Variants in EPHB2 observed in about 807,000 individuals in gnomAD.
EPHB2 encodes EPH receptor B2.
EPHB2 carries 18 observed loss-of-function variants against 96.4 expected under a neutral mutation model. The ratio of observed to expected loss-of-function variants is 0.19; its 90% CI spans 0.13 to 0.28. The LOEUF (loss-of-function observed/expected upper bound fraction) is 0.28, where lower values mean the gene tolerates loss of function less well. EPHB2 is among the 10% of genes least tolerant of loss of function. EPHB2 has a pLI of 1.00. For synonymous variants in EPHB2, 506 were observed against 534.1 expected, an observed-to-expected ratio of 0.95 and a Z score of 0.72; for missense variants, 989 against 1,355.4, an observed-to-expected ratio of 0.73 and a Z score of 4.25.
intron 1 of EPHB2, among the ~76,000 whole-genome samples, chr1:22,776,948 G>T (rs150822225): frequency 1.7e-4 from 26 of 152,282 alleles, no homozygotes; most frequent in African/African-American, 6.3e-4. Flanking sequence ...CACCTCTCAG[G>T]GGACCACAGA....
At position 22,919,900 on chromosome 1, in the gene EPHB2, T is replaced by G. The variant is rs1640355721; in HGVS notation, c.*6330T>G. 6.6e-6 allele frequency: 1 copy of G among 152,158 alleles called. No homozygotes were observed. Among genetic ancestry groups the G allele is most frequent in the Non-Finnish European group, 1.5e-5 (1 of 68,024 alleles). The allele number at this position is 152,158 out of a possible 1,614,324, so 9.4% of individuals were successfully genotyped here. ...ATTCCATCACACTATGATTCTATGC[T>G]GCTAATTCTTGAAATTTCGAGTCTC... On this transcript the variant is annotated 3_prime_UTR_variant, in exon 16 of 16. Transcript: ENST00000374630.
intron 9 of EPHB2, among the ~76,000 whole-genome samples, chr1:22,899,004 A>T (rs1344334359): frequency 2.0e-5 from 3 of 151,966 alleles, no homozygotes; most frequent in Non-Finnish European, 4.4e-5. Context: ...GACCAGCCTG[A>T]CCAACACAGA....
intron 3 of EPHB2, among the ~76,000 whole-genome samples, chr1:22,838,306 A>G (rs904655308): frequency 6.6e-6 from 1 of 152,244 alleles, no homozygotes; most frequent in Non-Finnish European, 1.5e-5. Flanking sequence ...GATTACAGTC[A>G]TTATTAGATT....
intron 3 of EPHB2, among the ~76,000 whole-genome samples, chr1:22,815,960 T>C (rs894373005): frequency 6.6e-6 from 1 of 152,174 alleles, no homozygotes; most frequent in African/African-American, 2.4e-5. Flanking sequence ...GTGTGGGTGT[T>C]GGCAGCAGCA....
At chr1:22,863,673 C>T (rs375582140) in intron 4 of EPHB2, among the ~76,000 whole-genome samples, 9 of 152,294 alleles carry the variant, frequency 5.9e-5, no homozygotes, top group East Asian at 3.9e-4. Flanking sequence ...TGAAACTGTA[C>T]GGATTTATTC....
intron 5 of EPHB2, among the ~76,000 whole-genome samples, chr1:22,870,688 G>A (rs1410409941): frequency 2.0e-5 from 3 of 152,130 alleles, no homozygotes; most frequent in Admixed American, 1.3e-4. Context: ...GGGCTGCCCC[G>A]GACACAGCCT....
intron 3 of EPHB2, among the ~76,000 whole-genome samples, chr1:22,857,281 G>C (rs1645714686): frequency 6.6e-6 from 1 of 152,130 alleles, no homozygotes; most frequent in Admixed American, 6.5e-5. Context: ...TCAACTGCCA[G>C]TTTAATAGCA....
At chr1:22,783,596 A>G (rs1415755848) in intron 2 of EPHB2, among the ~76,000 whole-genome samples, 21 of 152,228 alleles carry the variant, frequency 1.4e-4, no homozygotes, top group Non-Finnish European at 1.5e-5. Flanking sequence ...AGAAGTGTGC[A>G]AAAGACTCAG....
chr1:22,765,364 T>C (rs544229048), intron 1 of EPHB2, among the ~76,000 whole-genome samples: 1 of 152,060 alleles, frequency 6.6e-6, no homozygotes, highest in South Asian at 2.1e-4. Flanking sequence ...CTGGCCAACA[T>C]GGCGAAACCC....
intron 1 of EPHB2, among the ~76,000 whole-genome samples, chr1:22,738,505 C>T (rs1006915247): frequency 3.9e-5 from 6 of 152,136 alleles, no homozygotes; most frequent in Non-Finnish European, 8.8e-5. Flanking sequence ...ATGAGAAAAC[C>T]AAGGTTCACA....
At chr1:22,896,002 AC>A (rs1202356995) in intron 8 of EPHB2, among the ~76,000 whole-genome samples, 1 of 152,168 alleles carries the variant, frequency 6.6e-6, no homozygotes, top group African/African-American at 2.4e-5. Context: ...AGTGGCTAGG[AC>A]GGTACAAGCA....
intron 3 of EPHB2, among the ~76,000 whole-genome samples, chr1:22,794,178 C>T (rs1644735598): frequency 1.3e-5 from 2 of 152,098 alleles, no homozygotes; most frequent in African/African-American, 2.4e-5. Flanking sequence ...GGCAGATAAC[C>T]GGCTAAGGGG....
At chr1:22,861,723 A>G (rs1047876576) in intron 3 of EPHB2, among the ~76,000 whole-genome samples, 5 of 152,088 alleles carry the variant, frequency 3.3e-5, no homozygotes, top group Non-Finnish European at 7.4e-5. Context: ...GAGCTGGTTG[A>G]GGGTTGAGGG....
intron 2 of EPHB2, among the ~76,000 whole-genome samples, chr1:22,782,189 C>T (rs1435074380): frequency 6.6e-6 from 1 of 152,150 alleles, no homozygotes; most frequent in Non-Finnish European, 1.5e-5. Context: ...TCTCTCTGAG[C>T]TTCAGTTTCT....
intron 3 of EPHB2, among the ~76,000 whole-genome samples, chr1:22,832,297 T>A (rs1406108616): frequency 6.6e-6 from 1 of 152,160 alleles, no homozygotes; most frequent in East Asian, 1.9e-4. Flanking sequence ...GGCAAACCAA[T>A]GCCACCTCTC....
chr1:22,767,692 C>T lies in EPHB2; in HGVS notation c.62-13729C>T, dbSNP rs78445686. Among the ~76,000 whole-genome samples, 22 of 152,236 alleles carry T rather than the reference C, an allele frequency of 1.4e-4. No individual in the cohort carries two copies. In the South Asian group the frequency reaches 1.9e-3, roughly 13 times the overall value. Reference sequence around the variant, plus strand: ...CCATGTCCTCCTTCCCACCACTGGCCCAGGGTGCCCCTCTTCCCCCTGTGT... The same window carrying T: ...CCATGTCCTCCTTCCCACCACTGGCTCAGGGTGCCCCTCTTCCCCCTGTGT... On this transcript the variant is annotated intron_variant, in intron 1 of 15. Coordinates refer to ENST00000374630, the MANE Select transcript of EPHB2 (RefSeq NM_017449.5).
intron 12 of EPHB2, among the ~76,000 whole-genome samples, chr1:22,908,813 A>G (rs545002268): frequency 6.6e-6 from 1 of 152,300 alleles, no homozygotes; most frequent in East Asian, 1.9e-4. Flanking sequence ...CTTGAGGATG[A>G]GAAGGAGGTT....
At chr1:22,791,851 T>C (rs1188288513) in intron 3 of EPHB2, among the ~76,000 whole-genome samples, 1 of 152,230 alleles carries the variant, frequency 6.6e-6, no homozygotes, top group East Asian at 1.9e-4. Flanking sequence ...TTGCGTAGGA[T>C]ACATTTCTAG....
rs191170888 is a variant in EPHB2, at chr1:22,844,782, C to T, written c.812-18255C>T. On this transcript the variant is annotated intron_variant, in intron 3 of 15. Coordinates refer to ENST00000374630, the MANE Select transcript of EPHB2 (RefSeq NM_017449.5). ...CAAGAAGGAAGCCTATAGCCTGGGG[C>T]CAGCATCCTTGGGACCTTGACTGAT... Among the ~76,000 whole-genome samples, 3 of 152,252 alleles carry T rather than the reference C, an allele frequency of 2.0e-5. No individual in the cohort carries two copies. In the East Asian group the frequency reaches 5.8e-4, roughly 29 times the overall value.
Sources: gnomAD v4.1 joint callset for allele counts (sites outside exome capture counted in the v4.1 genomes callset) on GRCh38, gnomAD v4.1.1 for gene constraint, MANE v1.5 for transcripts, NCBI Gene and HGNC (gene_info 2026-07-23, HGNC 2026-07-21) for gene names.